Variants in CENPM observed in about 807,000 individuals in gnomAD.
The protein encoded by CENPM is interphase centromere complex protein 39.
A neutral mutation model predicts 19.6 loss-of-function variants in CENPM; 14 were observed. The ratio of observed to expected loss-of-function variants is 0.71; its 90% CI spans 0.47 to 1.11. The LOEUF (loss-of-function observed/expected upper bound fraction) is 1.11. Ranked by LOEUF, CENPM falls within the 50% of genes most tolerant of loss-of-function variation. CENPM has a pLI of 0.00. For synonymous variants in CENPM, 114 were observed against 101.5 expected (o/e 1.12, Z -0.74); for missense variants, 239 against 228.4 (o/e 1.05, Z -0.30).
the CENPM span, among the ~76,000 whole-genome samples, chr22:41,931,296 C>T: frequency 6.6e-6 from 1 of 150,674 alleles, no homozygotes; most frequent in Non-Finnish European, 1.5e-5. Flanking sequence ...TGGTGAAACC[C>T]TCTCTCTATA....
the CENPM span, among the ~76,000 whole-genome samples, chr22:41,931,900 C>A: frequency 1.3e-5 from 2 of 152,194 alleles, no homozygotes; most frequent in Non-Finnish European, 2.9e-5. Flanking sequence ...AATCAGTTTT[C>A]GTTGTAATTA....
chr22:41,930,569 GATAAGCAACACCCA>G, the CENPM span, among the ~76,000 whole-genome samples: 1 of 151,440 alleles, frequency 6.6e-6, no homozygotes, highest in Admixed American at 6.6e-5. Context: ...ACAGCAGTGC[GATAAGCAACACCCA>G]ACTCAGCTCA....
the CENPM span, among the ~76,000 whole-genome samples, chr22:41,932,497 C>T: frequency 6.6e-6 from 1 of 152,236 alleles, no homozygotes; most frequent in African/African-American, 2.4e-5. This position sits in a 1 kb window ranked among gnomAD's most constrained non-coding sequence, Gnocchi z 4.3. Context: ...AAATCCTTGC[C>T]TGGGTCTTCA....
intron 5 of CENPM, among the ~76,000 whole-genome samples, chr22:41,939,437 A>G (rs1324871655): frequency 6.6e-6 from 1 of 152,198 alleles, no homozygotes; most frequent in East Asian, 1.9e-4. Context: ...CCTCCTGCTC[A>G]AGAGGAAATG....
At position 41,945,951 on chromosome 22, in the gene CENPM, G is replaced by A. The variant is rs762210360; in HGVS notation, c.192C>T (p.Asp64=). Residue 64 remains aspartate, a synonymous_variant, in exon 3 of 6, where the codon GAC becomes GAT. Coordinates refer to ENST00000215980, the MANE Select transcript of CENPM (RefSeq NM_024053.5). Reference sequence around the variant, plus strand: ...GAAGATTAACCACAAACACGATCAGGTCAATTCGGGGCCGATTCACACTGG... The same window carrying A: ...GAAGATTAACCACAAACACGATCAGATCAATTCGGGGCCGATTCACACTGG... ...LPSSVNRPRI[D]LIVFVVNLHS... The A allele has an allele frequency of 8.7e-6, 14 of 1,613,746 alleles. No homozygotes were observed. The highest frequency in any genetic ancestry group is 6.6e-5 in the South Asian group (6 of 91,074).
At chr22:41,927,889 G>A in the CENPM span, among the ~76,000 whole-genome samples, 9 of 152,158 alleles carry the variant, frequency 5.9e-5, no homozygotes, top group Admixed American at 6.5e-5. Flanking sequence ...AGACAGCCTC[G>A]CAGCAAGGGC....
rs746777274 is a variant in CENPM, at chr22:41,939,061, G to C, written c.538C>G (p.Leu180Val). ...AGCCCAGGGGCCAGCCACCCTCACA[G>C]GTCCTCCAGGGAGGGGCCCTCAGAG... The part of the protein sequence containing the change: ...RSSEGPSLED[L>V] The change falls in exon 6 of 6, where the codon CTG becomes GTG. Residue 180 changes from leucine to valine, a missense_variant. Leu to Val is a conservative substitution (Grantham distance 32). Transcript: ENST00000215980. 17 of 1,612,794 alleles carry C rather than the reference G, an allele frequency of 1.1e-5. No individual in the cohort carries two copies. The highest frequency in any genetic ancestry group is 1.4e-5 in the Non-Finnish European group (16 of 1,179,916).
downstream of CENPM, among the ~76,000 whole-genome samples, chr22:41,934,484 C>T (rs1192023036): frequency 6.6e-6 from 1 of 152,188 alleles, no homozygotes; most frequent in Non-Finnish European, 1.5e-5. Flanking sequence ...TAGCCTTCGC[C>T]CCCCCATTCC....
chr22:41,939,286 G>A lies in CENPM; in HGVS notation c.403-90C>T, dbSNP rs138273937. 3,855 of 1,460,524 alleles carry A rather than the reference G, an allele frequency of 2.6e-3. 13 individuals are homozygous for A. The highest frequency in any genetic ancestry group is 3.1e-3 in the Non-Finnish European group (3,452 of 1,097,636). The allele number at this position is 1,460,524 out of a possible 1,614,324, so 90.5% of individuals were successfully genotyped here. ...CTGCAGGGGCTGCCAGAGCAGGGCT[G>A]GGGGCGGATACTTGGGGGTAGCTCA... is the stretch of plus-strand genomic sequence containing the variant. On this transcript the variant is annotated intron_variant, in intron 5 of 5. Transcript: ENST00000215980.
rs184253320 is a variant in CENPM at position 41,939,197 on chromosome 22, C to T, written c.403-1G>A. On this transcript the variant is annotated splice_acceptor_variant, in intron 5 of 5. Coordinates refer to ENST00000215980, the MANE Select transcript of CENPM (RefSeq NM_024053.5). LOFTEE classifies it high-confidence loss of function. ...CCATGGTGGCCCTAAAGCCTTCCACCTGCGGGGAGAGCAGAGAACAGCAGT... is the reference window on the plus strand; with the variant it reads ...CCATGGTGGCCCTAAAGCCTTCCACTTGCGGGGAGAGCAGAGAACAGCAGT... 6.2e-7 allele frequency: 1 copy of T among 1,609,400 alleles called. No individual in the cohort carries two copies. The highest frequency in any genetic ancestry group is 8.5e-7 in the Non-Finnish European group (1 of 1,178,360).
chr22:41,939,856 GAAAGAAAGAAAGAAAGAAAGAAAAAGAA>G (rs2077717638), intron 5 of CENPM, among the ~76,000 whole-genome samples: 1 of 27,382 alleles, frequency 3.7e-5, no homozygotes, highest in African/African-American at 5.5e-4. Flanking sequence ...AAGAAAGAAA[GAAAGAAAGAAAGAAAGAAAGAAAAAGAA>G]AGAAAGAAAG....
In CENPM at chr22:41,939,083, A is replaced by G; in HGVS notation, c.516T>C (p.Ser172=). ...ACAGGTCCTCCAGGGAGGGGCCCTC[A>G]GAGCTTCTCAGCAGGGACAGCAGGT... The part of the protein sequence containing the change: ...ALNLLSLLRS[S]EGPSLEDL The change falls in exon 6 of 6, where the codon TCT becomes TCC. Residue 172 remains serine (S), a synonymous_variant. Transcript: ENST00000215980. 6.2e-7 allele frequency: 1 copy of G among 1,613,068 alleles called. No homozygotes were observed. Among genetic ancestry groups the G allele is most frequent in the South Asian group, 1.1e-5 (1 of 91,072 alleles).
chr22:41,929,635 CT>C, the CENPM span, among the ~76,000 whole-genome samples: 1 of 152,208 alleles, frequency 6.6e-6, no homozygotes, highest in African/African-American at 2.4e-5. Flanking sequence ...AGGCCAGCTG[CT>C]AAGAGCAGCA....
intron 5 of CENPM, 40 bp from the exon 6 acceptor site, chr22:41,939,236 G>A: frequency 1.3e-6 from 2 of 1,568,850 alleles, no homozygotes; most frequent in Non-Finnish European, 1.7e-6. Context: ...ATAGAATGCT[G>A]GCCCTGCTCC....
intron 4 of CENPM, chr22:41,944,873 A>G: frequency 9.1e-7 from 1 of 1,094,540 alleles, no homozygotes. Context: ...ATTCACTCTT[A>G]GAAAGGCTGA....
chr22:41,947,071 C>T lies in CENPM; in HGVS notation c.6G>A (p.Ser2=), dbSNP rs146599179. The T allele has an allele frequency of 2.4e-5, 38 of 1,612,750 alleles. No individual in the cohort carries two copies. Among genetic ancestry groups the T allele is most frequent in the South Asian group, 1.1e-5 (1 of 91,078 alleles). The change falls in exon 1 of 6, where the codon TCG becomes TCA. Residue 2 remains serine (S), a synonymous_variant. Transcript: ENST00000215980. M[S]VLRPLDKLPG... Reference sequence around the variant, plus strand: ...GCAGCTTGTCCAGGGGCCTCAACACCGACATCACAGCCGCAGGACCAACCG... The same window carrying T: ...GCAGCTTGTCCAGGGGCCTCAACACTGACATCACAGCCGCAGGACCAACCG...
At chr22:41,928,554 G>A in the CENPM span, among the ~76,000 whole-genome samples, 3 of 152,168 alleles carry the variant, frequency 2.0e-5, no homozygotes, top group Non-Finnish European at 1.5e-5. The surrounding 1 kb of genome is among the most constrained non-coding windows in gnomAD (Gnocchi z 4.0). Context: ...TGGGGAGGGA[G>A]CCTGGGGGCA....
the CENPM span, chr22:41,928,048 A>G: frequency 8.0e-6 from 2 of 250,482 alleles, no homozygotes; most frequent in Admixed American, 5.0e-5. The surrounding 1 kb of genome is among the most constrained non-coding windows in gnomAD (Gnocchi z 4.0). Context: ...CAGGAAGTCC[A>G]GGGAGTGCTG....
the CENPM span, among the ~76,000 whole-genome samples, chr22:41,932,514 G>A: frequency 5.3e-5 from 8 of 152,212 alleles, no homozygotes; most frequent in Non-Finnish European, 1.0e-4. The surrounding 1 kb of genome is among the most constrained non-coding windows in gnomAD (Gnocchi z 4.3). Context: ...TTCATGGGCT[G>A]GAGCTGCCTG....
Sources: allele counts gnomAD v4.1 joint callset (sites outside exome capture counted in the v4.1 genomes callset), GRCh38; gene constraint gnomAD v4.1.1; non-coding constraint Gnocchi (gnomAD v3.1); transcripts MANE v1.5; gene names NCBI Gene and HGNC (gene_info 2026-07-23, HGNC 2026-07-21).